Variants in GCSAM observed in about 807,000 individuals in gnomAD.
The protein encoded by GCSAM is germinal center associated signaling and motility, also known as germinal center-associated signaling and motility protein.
In GCSAM, 8 loss-of-function variants were observed where a neutral mutation model predicts 17.6. The observed-to-expected ratio is 0.46, with a 90% CI of 0.27 to 0.82. The LOEUF (loss-of-function observed/expected upper bound fraction) is 0.82, where lower values mean the gene tolerates loss of function less well. GCSAM is among the 40% of genes least tolerant of loss of function. The probability of loss-of-function intolerance (pLI) is 0.15; values close to 1 mark genes in which losing one functional copy is unlikely to be tolerated. For missense variants in GCSAM, 192 were observed against 213.5 expected (o/e 0.90, Z 0.63); for synonymous variants, 68 against 69.0 (o/e 0.98, Z 0.07).
At chr3:112,124,152 C>T (rs958049591) in intron 5 of GCSAM, among the ~76,000 whole-genome samples, 11 of 152,184 alleles carry the variant, frequency 7.2e-5, no homozygotes, top group Middle Eastern at 3.2e-3. Context: ...GTGCCATCCT[C>T]GCAGTTATGA....
intron 2 of GCSAM, chr3:112,129,432 C>A (rs922679387): frequency 2.0e-5 from 3 of 152,198 alleles, no homozygotes; most frequent in Non-Finnish European, 4.4e-5. Flanking sequence ...TTTATTCTTG[C>A]ATTTCAACAT....
In GCSAM at chr3:112,125,260, G is replaced by A; in HGVS notation, c.191-6C>T. 6.4e-7 allele frequency: 1 copy of A among 1,564,410 alleles called. No individual in the cohort carries two copies. On this transcript the variant is annotated splice_polypyrimidine_tract_variant and splice_region_variant and intron_variant, in intron 4 of 5. Transcript: ENST00000308910. ...AGTAGATGACATTCTTTCATCTGGA[G>A]AAAGAAAATACACTCAATGAATTTC...
intron 5 of GCSAM, among the ~76,000 whole-genome samples, chr3:112,125,007 AGT>A (rs1387095723): frequency 6.6e-6 from 1 of 152,248 alleles, no homozygotes; most frequent in Non-Finnish European, 1.5e-5. Context: ...TGAAGTGGTC[AGT>A]AAATTTAAGT....
At chr3:112,124,568 A>G (rs959625484) in intron 5 of GCSAM, among the ~76,000 whole-genome samples, 1 of 152,210 alleles carries the variant, frequency 6.6e-6, no homozygotes, top group Non-Finnish European at 1.5e-5. Context: ...AGATCGTGCC[A>G]TTGCACTCCA....
rs1293632427 is a variant in GCSAM at position 112,132,968 on chromosome 3, T to G, written c.29+124A>C. On this transcript the variant is annotated intron_variant, in intron 1 of 5. Coordinates refer to ENST00000308910, the MANE Select transcript of GCSAM (RefSeq NM_152785.5). ...AGTAGGCACTGAAGGCTTGGCAGTTTCCTTACCCAACTACTTTCTACCCCA... is the reference window on the plus strand; with the variant it reads ...AGTAGGCACTGAAGGCTTGGCAGTTGCCTTACCCAACTACTTTCTACCCCA... 35 of 959,344 alleles carry G rather than the reference T, an allele frequency of 3.6e-5. 2 individuals are homozygous for G. The Admixed American group carries it at 7.5e-4, about 21-fold the overall frequency. 59.4% of individuals were successfully genotyped at this position (959,344 alleles called of 1,614,324 possible). A position where few individuals can be genotyped will look rare whatever the true frequency, so the allele number is the denominator to read the frequency against.
At position 112,121,293 on chromosome 3, in the gene GCSAM, G is replaced by A. The variant is rs1349270674; in HGVS notation, c.*2162C>T. On this transcript the variant is annotated 3_prime_UTR_variant, in exon 6 of 6. Transcript: ENST00000308910. ...ATTCTAGCATAAACTCATTGATTTGGTGTTTCTACCTTGCTGGAGGACTGC... is the reference window on the plus strand; with the variant it reads ...ATTCTAGCATAAACTCATTGATTTGATGTTTCTACCTTGCTGGAGGACTGC... 1.3e-5 allele frequency: 2 copies of A among 152,180 alleles called. No homozygotes were observed. The highest frequency in any genetic ancestry group is 2.9e-5 in the Non-Finnish European group (2 of 68,038). The allele number at this position is 152,180 out of a possible 1,614,324, so 9.4% of individuals were successfully genotyped here. A position where few individuals can be genotyped will look rare whatever the true frequency, so the allele number is the denominator to read the frequency against.
At chr3:112,132,182 T>C (rs2107817242) in intron 1 of GCSAM, among the ~76,000 whole-genome samples, 1 of 152,236 alleles carries the variant, frequency 6.6e-6, no homozygotes, top group Admixed American at 6.5e-5. Flanking sequence ...TCAGACAACA[T>C]GATTCTTAGG....
intron 2 of GCSAM, chr3:112,129,533 G>T (rs141360834): frequency 1.3e-5 from 2 of 152,232 alleles, no homozygotes; most frequent in South Asian, 4.2e-4. Flanking sequence ...AGGAATTTGA[G>T]GTATCTGTCT....
At chr3:112,128,802 A>G (rs545252712) in intron 2 of GCSAM, 1 of 154,664 alleles carries the variant, frequency 6.5e-6, no homozygotes, top group South Asian at 2.0e-4. Flanking sequence ...ACATTAATGT[A>G]TAAGTATCAT....
intron 1 of GCSAM, among the ~76,000 whole-genome samples, chr3:112,132,111 TTAGAACAATGCTAGAG>T (rs2074469593): frequency 6.6e-6 from 1 of 152,164 alleles, no homozygotes; most frequent in Admixed American, 6.5e-5. Flanking sequence ...TATATAATTG[TTAGAACAATGCTAGAG>T]TAGAAGATTG....
chr3:112,132,844 A>G (rs1027545496), intron 1 of GCSAM: 8 of 464,526 alleles, frequency 1.7e-5, no homozygotes, highest in Non-Finnish European at 2.9e-5. Flanking sequence ...CTTCCTTGGT[A>G]AAGTCTTTCC....
intron 1 of GCSAM, 45 bp downstream of exon 1, chr3:112,133,047 T>G: frequency 6.3e-7 from 1 of 1,591,238 alleles, no homozygotes; most frequent in Non-Finnish European, 8.6e-7. Flanking sequence ...TGCTGTATTG[T>G]CCTGTCCCAT....
chr3:112,125,222 T>C lies in GCSAM; in HGVS notation c.219+4A>G. On this transcript the variant is annotated splice_donor_region_variant and intron_variant, in intron 5 of 5. Transcript: ENST00000308910. ...AAAAAATAGCTTAGAGATGTTCTTA[T>C]TACCTGGATGGGAGTAGATGACATT... 3 of 1,559,422 alleles carry C rather than the reference T, an allele frequency of 1.9e-6. No homozygotes were observed. Among genetic ancestry groups the C allele is most frequent in the Non-Finnish European group, 2.7e-6 (3 of 1,130,302 alleles).
chr3:112,127,951 T>C, intron 3 of GCSAM, 66 bp downstream of exon 3: 2 of 1,401,450 alleles, frequency 1.4e-6, no homozygotes, highest in South Asian at 1.2e-5. Flanking sequence ...CACAGGTAAC[T>C]TACAGCAAAT....
chr3:112,123,989 T>G (rs922982630), intron 5 of GCSAM, among the ~76,000 whole-genome samples: 1 of 152,210 alleles, frequency 6.6e-6, no homozygotes, highest in African/African-American at 2.4e-5. Context: ...GTGCATCCTC[T>G]GCCCCTTGTT....
rs770348744 is a variant in GCSAM, at chr3:112,121,168, G to T, written c.*2287C>A. On this transcript the variant is annotated 3_prime_UTR_variant, in exon 6 of 6. Transcript: ENST00000308910. ...GCATATACTGTTTGGGACAGATAAT[G>T]CTTTCACAGGATAAGGTTCAAACAA... The T allele has an allele frequency of 6.6e-6, 1 of 152,156 alleles. No individual in the cohort carries two copies. Among genetic ancestry groups the T allele is most frequent in the Admixed American group, 6.5e-5 (1 of 15,280 alleles). The allele number at this position is 152,156 out of a possible 1,614,324, so 9.4% of individuals were successfully genotyped here.
At position 112,123,059 on chromosome 3, in the gene GCSAM, C is replaced by T; in HGVS notation, c.*396G>A. On this transcript the variant is annotated 3_prime_UTR_variant, in exon 6 of 6. Transcript: ENST00000308910. ...TAATGAGTGAACTCCCCCTTGGGCA[C>T]ACTTAGTATGATGAGTAAAGCTTCC... 1 of 223,390 alleles carries T rather than the reference C, an allele frequency of 4.5e-6. No individual in the cohort carries two copies. Among genetic ancestry groups the T allele is most frequent in the Non-Finnish European group, 8.9e-6 (1 of 112,476 alleles). 13.8% of individuals were successfully genotyped at this position (223,390 alleles called of 1,614,324 possible).
chr3:112,130,558 G>A (rs1209317916), intron 1 of GCSAM, 45 bp from the exon 2 acceptor site: 4 of 1,518,116 alleles, frequency 2.6e-6, no homozygotes, highest in South Asian at 2.2e-5. Context: ...TTCCTAAACA[G>A]GCCTGTCACT....
At chr3:112,130,403 T>G in intron 2 of GCSAM, 42 bp downstream of exon 2, 4 of 1,547,024 alleles carry the variant, frequency 2.6e-6, no homozygotes, top group Non-Finnish European at 3.6e-6. Flanking sequence ...TTCGTTCTCC[T>G]TGGGCAAGGT....
Sources: allele counts gnomAD v4.1 joint callset (sites outside exome capture counted in the v4.1 genomes callset), GRCh38; gene constraint gnomAD v4.1.1; transcripts MANE v1.5; gene names NCBI Gene and HGNC (gene_info 2026-07-23, HGNC 2026-07-21).